The following SPAG5 variants were observed in gnomAD, a reference collection of about 807,000 sequenced individuals.
SPAG5 encodes sperm associated antigen 5.
SPAG5 carries 99 observed loss-of-function variants against 145.4 expected under a neutral mutation model. That is an observed-to-expected ratio of 0.68 (90% CI 0.58 to 0.80). The LOEUF is 0.80. Among genes scored for constraint, SPAG5 ranks in the 30% least tolerant of loss-of-function variants. SPAG5 has a pLI of 0.00. For missense variants in SPAG5, 1,192 were observed against 1,416.0 expected (o/e 0.84, Z 2.54); for synonymous variants, 477 against 525.4 (o/e 0.91, Z 1.26).
chr17:28,591,863 TG>T lies in SPAG5; in HGVS notation c.1271del (p.Pro424GlnfsTer3), dbSNP rs1449518173. The T allele has an allele frequency of 6.2e-7, 1 of 1,613,438 alleles. No homozygotes were observed. The highest frequency in any genetic ancestry group is 1.3e-5 in the African/African-American group (1 of 74,800). On this transcript the variant is annotated frameshift_variant, in exon 4 of 24. Coordinates refer to ENST00000321765, the MANE Select transcript of SPAG5 (RefSeq NM_006461.4). LOFTEE classifies it high-confidence loss of function. ...ETEQLLCGRP[P>X]DLTALSRHDL... ...CATGTCGAGACAAGGCAGTCAGATC[TG>T]GAGGCCGGCTGCAGCAGAAAGAGAA...
At chr17:28,595,773 C>T (rs982838022) in intron 2 of SPAG5, among the ~76,000 whole-genome samples, 13 of 151,380 alleles carry the variant, frequency 8.6e-5, no homozygotes, top group African/African-American at 2.7e-4. Flanking sequence ...AGGCCGGGCG[C>T]GGTGGCTCAC....
At chr17:28,596,994 G>C (rs953894220) in intron 2 of SPAG5, among the ~76,000 whole-genome samples, 2 of 151,994 alleles carry the variant, frequency 1.3e-5, no homozygotes, top group African/African-American at 4.8e-5. Flanking sequence ...GGCTGAGACA[G>C]AAGAATCGCT....
intron 4 of SPAG5, 105 bp downstream of exon 4, chr17:28,591,593 G>T: frequency 9.4e-7 from 1 of 1,066,602 alleles, no homozygotes; most frequent in Non-Finnish European, 1.4e-6. Context: ...AATGTTCTAA[G>T]TATAAGCCTG....
At position 28,585,891 on chromosome 17, in the gene SPAG5, C is replaced by T. The variant is rs1208715088; in HGVS notation, c.1713G>A (p.Glu571=). The change falls in exon 7 of 24, where the codon GAG becomes GAA. Residue 571 remains glutamate, a synonymous_variant. Transcript: ENST00000321765. Reference sequence around the variant, plus strand: ...CATCCTTGCCTCTGAGAGCCATTTCCTCTCTGTGCCTTGCCTCCTCCCTTT... The same window carrying T: ...CATCCTTGCCTCTGAGAGCCATTTCTTCTCTGTGCCTTGCCTCCTCCCTTT... ...KAEREEARHR[E]EMALRGKDAA... 8 of 1,614,246 alleles carry T rather than the reference C, an allele frequency of 5.0e-6. No homozygotes were observed. The highest frequency in any genetic ancestry group is 1.1e-5 in the South Asian group (1 of 91,090).
In SPAG5 at chr17:28,584,702, C is replaced by T. The variant is rs2070572431; in HGVS notation, c.2111G>A (p.Cys704Tyr). 1.9e-6 allele frequency: 3 copies of T among 1,614,174 alleles called. No homozygotes were observed. The highest frequency in any genetic ancestry group is 2.5e-6 in the Non-Finnish European group (3 of 1,180,016). Residue 704 changes from cysteine (C) to tyrosine (Y), a missense_variant, in exon 11 of 24, where the codon TGC becomes TAC. This residue lies in a region of SPAG5 where 709 missense variants were observed against 840.7 expected (regional missense o/e 0.84). Transcript: ENST00000321765. ...LEQVSAQLEE[C>Y]KGQTEQLELE... is the part of the protein sequence containing the mutation. ...CTCCAGTTGTTCTGTTTGGCCTTTG[C>T]ACTCCTCTAACTGGGCAGAGACTTG... is the stretch of plus-strand genomic sequence containing the variant.
chr17:28,589,465 A>T (rs1383577136), intron 4 of SPAG5, among the ~76,000 whole-genome samples: 1 of 152,204 alleles, frequency 6.6e-6, no homozygotes, highest in Non-Finnish European at 1.5e-5. Flanking sequence ...CACCAAAATG[A>T]TGAGATACCT....
chr17:28,579,786 G>C lies in SPAG5; in HGVS notation c.2849C>G (p.Thr950Ser), dbSNP rs754060658. 5.0e-6 allele frequency: 8 copies of C among 1,614,188 alleles called. No individual in the cohort carries two copies. Among genetic ancestry groups the C allele is most frequent in the Non-Finnish European group, 6.8e-6 (8 of 1,180,022 alleles). The change falls in exon 17 of 24, where the codon ACC becomes AGC. Residue 950 changes from threonine (T) to serine (S), a missense_variant. By Grantham distance (58) the Thr-to-Ser change is moderately conservative (BLOSUM62 1). Coordinates refer to ENST00000321765, the MANE Select transcript of SPAG5 (RefSeq NM_006461.4). ...PLLGSDKSAF[T>S]RVASMVSLQP... ...AAGGGAAACCATTGATGCTACTCGGGTGAAAGCACTCTTGTCACTTCCAAG... is the reference window on the plus strand; with the variant it reads ...AAGGGAAACCATTGATGCTACTCGGCTGAAAGCACTCTTGTCACTTCCAAG...
At chr17:28,579,885 CA>C (rs771191880) in intron 16 of SPAG5, 48 bp from the exon 17 acceptor site, 12 of 1,579,816 alleles carry the variant, frequency 7.6e-6, no homozygotes, top group Non-Finnish European at 2.6e-6. Context: ...ATGATCCAGG[CA>C]GGGGTCTACC....
intron 16 of SPAG5, 40 bp downstream of exon 16, chr17:28,579,969 C>T: frequency 3.9e-6 from 6 of 1,549,152 alleles, no homozygotes; most frequent in East Asian, 2.2e-5. Context: ...TCAGGAGCAG[C>T]GTCACAACTT....
In SPAG5 at chr17:28,592,869, A is replaced by G; in HGVS notation, c.375T>C (p.Tyr125=). ...GTACAAGGACGATGGTTTTAACCATATAATTGCCCAGTGGGTCTACTGCTT... is the reference window on the plus strand; with the variant it reads ...GTACAAGGACGATGGTTTTAACCATGTAATTGCCCAGTGGGTCTACTGCTT... The part of the protein sequence containing the change: ...SEEAVDPLGN[Y]MVKTIVLVPS... The change falls in exon 3 of 24, where the codon TAT becomes TAC. Residue 125 remains tyrosine (Y), a synonymous_variant. Coordinates refer to ENST00000321765, the MANE Select transcript of SPAG5 (RefSeq NM_006461.4). 2.5e-6 allele frequency: 4 copies of G among 1,614,222 alleles called. No individual in the cohort carries two copies. The highest frequency in any genetic ancestry group is 3.4e-6 in the Non-Finnish European group (4 of 1,180,028).
Position 28,579,438 on chromosome 17 carries a change from T to C in SPAG5, c.2932A>G (p.Thr978Ala), listed in dbSNP as rs759078664. Residue 978 changes from threonine to alanine, a missense_variant, in exon 18 of 24, where the codon ACT becomes GCT. By Grantham distance (58) the Thr-to-Ala change is moderately conservative. This residue lies in a region of SPAG5 where 709 missense variants were observed against 840.7 expected (regional missense o/e 0.84). Coordinates refer to ENST00000321765, the MANE Select transcript of SPAG5 (RefSeq NM_006461.4). ...ESLAEMSIMTTELQSLCSLLQ... is the reference protein window; with the variant it reads ...ESLAEMSIMTAELQSLCSLLQ... ...AGGGAACAAAGACTCTGAAGCTCAG[T>C]AGTCATAATACTCATTTCTGCCAGG... 14 of 1,613,924 alleles carry C rather than the reference T, an allele frequency of 8.7e-6. No individual in the cohort carries two copies. In the Admixed American group the frequency reaches 1.2e-4, roughly 13 times the overall value.
chr17:28,598,741 C>T, intron 1 of SPAG5, 106 bp from the exon 2 acceptor site: 1 of 1,526,116 alleles, frequency 6.6e-7, no homozygotes, highest in Non-Finnish European at 9.0e-7. Flanking sequence ...GAAGAGTACG[C>T]TCGCACCCTA....
At chr17:28,588,475 T>C (rs975398698) in intron 4 of SPAG5, among the ~76,000 whole-genome samples, 1 of 152,170 alleles carries the variant, frequency 6.6e-6, no homozygotes, top group East Asian at 1.9e-4. Context: ...ATGGAGCTTA[T>C]GGTTTCCAGG....
chr17:28,598,533 A>C lies in SPAG5; in HGVS notation c.154T>G (p.Ser52Ala). The part of the protein sequence containing the change: ...RSPACSSLTP[S>A]LCKLGLQEGS... ...ACCTGCAGCCCCAGCTTGCACAGTG[A>C]TGGGGTCAGCGAGGAGCAAGCGGGG... Residue 52 changes from serine to alanine, a missense_variant, in exon 2 of 24, where the codon TCA becomes GCA. This residue lies in a region of SPAG5 where 329 missense variants were observed against 354.0 expected (regional missense o/e 0.93). Transcript: ENST00000321765. 1 of 1,613,888 alleles carries C rather than the reference A, an allele frequency of 6.2e-7. No homozygotes were observed. The highest frequency in any genetic ancestry group is 8.5e-7 in the Non-Finnish European group (1 of 1,179,978).
In SPAG5 at chr17:28,578,325, C is replaced by T. The variant is rs112876268; in HGVS notation, c.3355-33G>A. 5.0e-5 allele frequency: 80 copies of T among 1,613,964 alleles called. No homozygotes were observed. The Middle Eastern group carries it at 2.1e-3, about 43-fold the overall frequency. Reference sequence around the variant, plus strand: ...TATGTCCAGATCAACAGGGGTACAGCCTGGGGTCCCCACCTGCTGTCCAGC... The same window carrying T: ...TATGTCCAGATCAACAGGGGTACAGTCTGGGGTCCCCACCTGCTGTCCAGC... On this transcript the variant is annotated intron_variant, in intron 21 of 23. Coordinates refer to ENST00000321765, the MANE Select transcript of SPAG5 (RefSeq NM_006461.4).
intron 4 of SPAG5, among the ~76,000 whole-genome samples, chr17:28,587,961 T>C (rs1334094797): frequency 6.6e-6 from 1 of 152,204 alleles, no homozygotes; most frequent in Non-Finnish European, 1.5e-5. Context: ...ATAGTATGCA[T>C]AGAGTAAGTA....
In SPAG5 at chr17:28,578,082, G is replaced by A. The variant is rs2070518659; in HGVS notation, c.3438C>T (p.Ile1146=). The change falls in exon 23 of 24, where the codon ATC becomes ATT. Residue 1146 remains isoleucine, a synonymous_variant. Transcript: ENST00000321765. ...CAGAGCGCCGAAGGTTCTCCTCTAG[G>A]ATATTTCTCTAGAAAGCAAACAGAT... is the stretch of plus-strand genomic sequence containing the variant. ...LMIKFQSHRN[I]LEENLRRSDK... 2.5e-6 allele frequency: 4 copies of A among 1,613,882 alleles called. No homozygotes were observed. Among genetic ancestry groups the A allele is most frequent in the Non-Finnish European group, 3.4e-6 (4 of 1,179,770 alleles).
intron 4 of SPAG5, among the ~76,000 whole-genome samples, chr17:28,588,099 C>A (rs1023429599): frequency 7.9e-5 from 12 of 152,192 alleles, no homozygotes; most frequent in Non-Finnish European, 8.8e-5. Context: ...CTGCTGATTT[C>A]TTGGAGTTCA....
rs760085759 is a variant in SPAG5 at position 28,592,618 on chromosome 17, G to A, written c.626C>T (p.Pro209Leu). The A allele has an allele frequency of 7.7e-5, 124 of 1,614,032 alleles. No homozygotes were observed. The highest frequency in any genetic ancestry group is 1.0e-4 in the Non-Finnish European group (123 of 1,180,050). ...SHLLEESPPN[P>L]CSEQLHCSKE... ...GGAGCAATGTAGTTGTTCAGAACAG[G>A]GATTTGGTGGAGACTCCTCTAAGAG... The change falls in exon 3 of 24, where the codon CCC becomes CTC. Residue 209 changes from proline to leucine, a missense_variant. This residue lies in a region of SPAG5 where 329 missense variants were observed against 354.0 expected (regional missense o/e 0.93). Coordinates refer to ENST00000321765, the MANE Select transcript of SPAG5 (RefSeq NM_006461.4).
Sources: allele counts gnomAD v4.1 joint callset (sites outside exome capture counted in the v4.1 genomes callset), GRCh38; gene constraint gnomAD v4.1.1; regional missense constraint gnomAD v4.1.1; transcripts MANE v1.5; gene names NCBI Gene and HGNC (gene_info 2026-07-23, HGNC 2026-07-21).